Variants in CLYBL observed in about 807,000 individuals in gnomAD.
CLYBL encodes the protein citramalyl-CoA lyase.
In CLYBL, 31 loss-of-function variants were observed where a neutral mutation model predicts 38.9. The ratio of observed to expected loss-of-function variants is 0.80; its 90% CI spans 0.60 to 1.08. The LOEUF (loss-of-function observed/expected upper bound fraction) is 1.08. Ranked by LOEUF, CLYBL falls within the 50% of genes least tolerant of loss-of-function variation. CLYBL has a pLI of 0.00. For synonymous variants in CLYBL, 171 were observed against 158.6 expected (o/e 1.08, Z -0.59); for missense variants, 434 against 411.6 (o/e 1.05, Z -0.47).
intron 7 of CLYBL, among the ~76,000 whole-genome samples, chr13:99,881,373 C>T (rs1017622698): frequency 1.1e-4 from 16 of 152,072 alleles, no homozygotes; most frequent in African/African-American, 3.6e-4. Context: ...ATGAAAAACA[C>T]GTTCTATACT....
intron 3 of CLYBL, among the ~76,000 whole-genome samples, chr13:99,861,792 G>C (rs956777352): frequency 7.9e-5 from 12 of 152,074 alleles, no homozygotes; most frequent in Non-Finnish European, 1.2e-4. Flanking sequence ...ATTTTTTAGG[G>C]GGGTGGTGCA....
chr13:99,840,939 C>A (rs1194178122), intron 2 of CLYBL, among the ~76,000 whole-genome samples: 3 of 151,964 alleles, frequency 2.0e-5, no homozygotes, highest in Admixed American at 1.3e-4. Context: ...AAAATCATTT[C>A]TCTCACCTAA....
chr13:99,772,432 C>G (rs1162470397), intron 1 of CLYBL, among the ~76,000 whole-genome samples: 1 of 152,198 alleles, frequency 6.6e-6, no homozygotes, highest in African/African-American at 2.4e-5. Context: ...CATGGTGGCT[C>G]ATGCCTATAA....
chr13:99,858,834 C>A lies in CLYBL; in HGVS notation c.250-27C>A, dbSNP rs2051524481. 1.9e-6 allele frequency: 3 copies of A among 1,541,564 alleles called. No individual in the cohort carries two copies. In the African/African-American group the frequency reaches 4.2e-5, roughly 21 times the overall value. ...TGCTCCCCTCAATGATAAAAATAAA[C>A]AATAAACTTTTTATTGACACTTACA... On this transcript the variant is annotated intron_variant, in intron 2 of 8. Transcript: ENST00000339105.
intron 1 of CLYBL, among the ~76,000 whole-genome samples, chr13:99,617,650 T>G (rs1019707500): frequency 7.4e-6 from 1 of 134,270 alleles, no homozygotes; most frequent in Non-Finnish European, 1.8e-5. Flanking sequence ...TCAGAAGATG[T>G]AAGAGTTTTT....
At chr13:99,690,579 C>T (rs2047886499) in intron 1 of CLYBL, 1 of 152,080 alleles carries the variant, frequency 6.6e-6, no homozygotes, top group Non-Finnish European at 1.5e-5. Flanking sequence ...CATCAGTGTT[C>T]CGGTTCTATT....
At chr13:99,631,653 C>T (rs2046947530) in intron 1 of CLYBL, among the ~76,000 whole-genome samples, 1 of 151,888 alleles carries the variant, frequency 6.6e-6, no homozygotes, top group East Asian at 1.9e-4. Flanking sequence ...GGCTGGAGTG[C>T]AGTGGCGTGA....
intron 1 of CLYBL, among the ~76,000 whole-genome samples, chr13:99,692,543 C>T (rs1179388076): frequency 1.3e-5 from 2 of 152,166 alleles, no homozygotes; most frequent in East Asian, 1.9e-4. Context: ...CCACCCGCCT[C>T]ACCCTCCCAA....
At chr13:99,633,146 G>A (rs2046969790) in intron 1 of CLYBL, among the ~76,000 whole-genome samples, 1 of 141,708 alleles carries the variant, frequency 7.1e-6, no homozygotes, top group Non-Finnish European at 1.5e-5. Context: ...GGGAGGCAGA[G>A]GTTGCAGTGA....
chr13:99,785,191 CTTTTTTTTTTTTTTTTTTTTT>C (rs58550861), intron 2 of CLYBL, among the ~76,000 whole-genome samples: 6 of 34,206 alleles, frequency 1.8e-4, no homozygotes, highest in South Asian at 1.6e-3. Context: ...CCCCGCCTGG[CTTTTTTTTTTTTTTTTTTTTT>C]TTTTTTTTTT....
chr13:99,889,975 A>G (rs1306609458), intron 7 of CLYBL, among the ~76,000 whole-genome samples: 1 of 152,174 alleles, frequency 6.6e-6, no homozygotes, highest in African/African-American at 2.4e-5. Flanking sequence ...ACCCAGTCAC[A>G]CCAGCATCCT....
rs941380457 is a variant in CLYBL at position 99,888,697 on chromosome 13, C to T, written c.928-2621C>T. 6.6e-5 allele frequency among the ~76,000 whole-genome samples: 10 copies of T among 152,070 alleles called. 2 individuals carry two copies. Among genetic ancestry groups the T allele is most frequent in the African/African-American group, 2.2e-4 (9 of 41,482 alleles). On this transcript the variant is annotated intron_variant, in intron 7 of 8. Transcript: ENST00000339105. ...CCGGGAGGCGGAGGTTGCAGTGAGC[C>T]GAGGTAACACCACTGCACTCCAGCC...
chr13:99,699,251 G>C (rs1288304718), intron 1 of CLYBL, among the ~76,000 whole-genome samples: 3 of 152,086 alleles, frequency 2.0e-5, no homozygotes, highest in Non-Finnish European at 4.4e-5. Flanking sequence ...TGGGTGTGGT[G>C]GTGGGCACCT....
chr13:99,638,742 A>T (rs1224634034), intron 1 of CLYBL, among the ~76,000 whole-genome samples: 1 of 152,260 alleles, frequency 6.6e-6, no homozygotes, highest in Non-Finnish European at 1.5e-5. Flanking sequence ...ACCGAAACAC[A>T]GAAAGGTTAA....
At chr13:99,744,364 T>G (rs2139611095) in intron 1 of CLYBL, among the ~76,000 whole-genome samples, 1 of 152,296 alleles carries the variant, frequency 6.6e-6, no homozygotes, top group East Asian at 1.9e-4. Flanking sequence ...TCATCACACC[T>G]ACACTGTAGT....
chr13:99,829,065 G>T (rs868370475), intron 2 of CLYBL, among the ~76,000 whole-genome samples: 2 of 152,214 alleles, frequency 1.3e-5, no homozygotes, highest in Non-Finnish European at 2.9e-5. Flanking sequence ...TTCAGAATCT[G>T]CATCAGGCAT....
intron 1 of CLYBL, among the ~76,000 whole-genome samples, chr13:99,621,992 G>T (rs966133423): frequency 6.6e-6 from 1 of 152,196 alleles, no homozygotes; most frequent in African/African-American, 2.4e-5. Flanking sequence ...AGTTCTAGGG[G>T]TGATCTGTTT....
chr13:99,646,557 C>G (rs190287643), intron 1 of CLYBL, among the ~76,000 whole-genome samples: 9 of 140,140 alleles, frequency 6.4e-5, no homozygotes, highest in Non-Finnish European at 1.4e-4. Context: ...TCTGGCACCC[C>G]GGCTGGAGTG....
intron 1 of CLYBL, among the ~76,000 whole-genome samples, chr13:99,768,404 A>G (rs563460899): frequency 2.7e-4 from 40 of 148,440 alleles, no homozygotes; most frequent in African/African-American, 9.5e-4. Flanking sequence ...CATGTTGCCT[A>G]GGCTGGTCTC....
Sources: allele counts gnomAD v4.1 joint callset (sites outside exome capture counted in the v4.1 genomes callset), GRCh38; gene constraint gnomAD v4.1.1; transcripts MANE v1.5; gene names NCBI Gene and HGNC (gene_info 2026-07-23, HGNC 2026-07-21).